The following PLA2G4A variants were observed in gnomAD, a reference collection of about 807,000 sequenced individuals.
The protein encoded by PLA2G4A is phospholipase A2 group IVA.
PLA2G4A carries 40 observed loss-of-function variants against 81.9 expected under a neutral mutation model. The ratio of observed to expected loss-of-function variants is 0.49; its 90% confidence interval spans 0.38 to 0.64. PLA2G4A has a LOEUF of 0.64. PLA2G4A is among the 30% of genes least tolerant of loss of function. The probability of loss-of-function intolerance (pLI) is 0.00; values close to 1 mark genes in which losing one functional copy is unlikely to be tolerated. For missense variants in PLA2G4A, 715 were observed against 905.1 expected (o/e 0.79, Z 2.69); for synonymous variants, 302 against 296.9 (o/e 1.02, Z -0.18).
chr1:186,864,053 C>T (rs1165047824), intron 2 of PLA2G4A, among the ~76,000 whole-genome samples: 1 of 152,148 alleles, frequency 6.6e-6, no homozygotes, highest in Middle Eastern at 3.4e-3. Flanking sequence ...GCATGAGCCA[C>T]CACTCCTGAC....
At chr1:186,932,630 T>G (rs1655791733) in intron 7 of PLA2G4A, 133 bp from the exon 8 acceptor site, 1 of 921,254 alleles carries the variant, frequency 1.1e-6, no homozygotes, top group African/African-American at 1.6e-5. Context: ...AATTAGGCAT[T>G]ACTAAAGTAT....
At chr1:186,936,667 T>C (rs180886088) in intron 8 of PLA2G4A, among the ~76,000 whole-genome samples, 25 of 152,026 alleles carry the variant, frequency 1.6e-4, no homozygotes, top group Non-Finnish European at 3.4e-4. Flanking sequence ...TCCTGGTAGT[T>C]AGCTACTGAT....
intron 5 of PLA2G4A, among the ~76,000 whole-genome samples, chr1:186,895,938 T>C (rs536969034): frequency 6.6e-6 from 1 of 152,036 alleles, no homozygotes; most frequent in South Asian, 2.1e-4. Context: ...AAGGGAATCA[T>C]TATGATTAAG....
At chr1:186,936,714 A>G (rs1253660842) in intron 8 of PLA2G4A, among the ~76,000 whole-genome samples, 1 of 151,978 alleles carries the variant, frequency 6.6e-6, no homozygotes. Context: ...GGAGACAAGC[A>G]TTGAACTGAA....
intron 3 of PLA2G4A, among the ~76,000 whole-genome samples, chr1:186,873,024 G>C (rs1653338700): frequency 6.6e-6 from 1 of 152,056 alleles, no homozygotes; most frequent in Non-Finnish European, 1.5e-5. Flanking sequence ...TTTTGTGTGT[G>C]TGTGGGGAGG....
At chr1:186,888,812 T>A (rs569221485) in intron 3 of PLA2G4A, among the ~76,000 whole-genome samples, 20 of 146,660 alleles carry the variant, frequency 1.4e-4, no homozygotes, top group African/African-American at 5.1e-4. Flanking sequence ...GGTTTTTGCT[T>A]GGCTTTGTTT....
intron 1 of PLA2G4A, among the ~76,000 whole-genome samples, chr1:186,830,958 C>CTTGCTTTCTT (rs1571315638): frequency 6.8e-5 from 2 of 29,406 alleles, no homozygotes; most frequent in African/African-American, 3.0e-4. Context: ...TGCTTGCTTG[C>CTTGCTTTCTT]TTTCTTTCTT....
chr1:186,975,500 T>C (rs1472819168), intron 15 of PLA2G4A, among the ~76,000 whole-genome samples: 1 of 152,232 alleles, frequency 6.6e-6, no homozygotes, highest in Non-Finnish European at 1.5e-5. Context: ...TTTCTTCTAA[T>C]GTAAACTACT....
In PLA2G4A at chr1:186,828,969, T is replaced by TAGAG. The variant is rs1651454294; in HGVS notation, c.-135_-134insGAGA. The TAGAG allele has an allele frequency of 2.0e-5, 3 of 152,164 alleles. No homozygotes were observed. Among genetic ancestry groups the TAGAG allele is most frequent in the Non-Finnish European group, 4.4e-5 (3 of 68,038 alleles). The allele number at this position is 152,164 out of a possible 1,614,324, so 9.4% of individuals were successfully genotyped here. A position where few individuals can be genotyped will look rare whatever the true frequency, so the allele number is the denominator to read the frequency against. ...CTCCTACTCAGGATAAGACTTTCTC[T>TAGAG]AAGTCCGGAGCTGAAAAAGGATCCT... On this transcript the variant is annotated 5_prime_UTR_variant, in exon 1 of 18. Coordinates refer to ENST00000367466, the MANE Select transcript of PLA2G4A (RefSeq NM_024420.3).
intron 10 of PLA2G4A, 52 bp from the exon 11 acceptor site, chr1:186,946,585 T>C (rs1656354360): frequency 2.5e-5 from 31 of 1,251,202 alleles, no homozygotes; most frequent in Non-Finnish European, 3.6e-5. Flanking sequence ...GTGCACACCA[T>C]GCCATAGCAT....
At chr1:186,864,645 GATT>G (rs75963523) in intron 2 of PLA2G4A, among the ~76,000 whole-genome samples, 2,681 of 147,130 alleles carry the variant, frequency 0.018, 49 homozygotes, top group South Asian at 0.097. Flanking sequence ...TTAAAAATCA[GATT>G]ATTATTATTA....
At chr1:186,971,530 A>G (rs1305719805) in intron 15 of PLA2G4A, among the ~76,000 whole-genome samples, 3 of 152,002 alleles carry the variant, frequency 2.0e-5, no homozygotes, top group African/African-American at 7.2e-5. Flanking sequence ...CTTAATATAA[A>G]GTAAATTGCA....
chr1:186,920,294 A>G (rs1358222046), intron 7 of PLA2G4A, among the ~76,000 whole-genome samples: 1 of 152,216 alleles, frequency 6.6e-6, no homozygotes, highest in Non-Finnish European at 1.5e-5. Flanking sequence ...GGCAAGGGAC[A>G]GTCAGAAATA....
At chr1:186,887,127 G>A (rs1290817541) in intron 3 of PLA2G4A, among the ~76,000 whole-genome samples, 1 of 152,050 alleles carries the variant, frequency 6.6e-6, no homozygotes, top group East Asian at 1.9e-4. Flanking sequence ...TGAACCATAG[G>A]TATTCAGAAT....
chr1:186,831,427 C>G (rs1345019921), intron 1 of PLA2G4A, among the ~76,000 whole-genome samples: 1 of 152,054 alleles, frequency 6.6e-6, no homozygotes, highest in Non-Finnish European at 1.5e-5. Context: ...GACTCAACCC[C>G]AATAATAATT....
chr1:186,839,256 T>C (rs1021591310), intron 1 of PLA2G4A, among the ~76,000 whole-genome samples: 4 of 152,174 alleles, frequency 2.6e-5, no homozygotes, highest in African/African-American at 9.7e-5. Context: ...TTTCAGTTTG[T>C]TTCTGGCTGT....
intron 3 of PLA2G4A, among the ~76,000 whole-genome samples, chr1:186,884,152 T>C (rs2102088096): frequency 6.6e-6 from 1 of 151,922 alleles, no homozygotes; most frequent in South Asian, 2.1e-4. Context: ...TCTAAGATAA[T>C]AGAGGAAGAA....
intron 7 of PLA2G4A, among the ~76,000 whole-genome samples, chr1:186,925,471 C>T (rs1655514701): frequency 6.6e-6 from 1 of 152,102 alleles, no homozygotes; most frequent in Non-Finnish European, 1.5e-5. Flanking sequence ...CCAGTTTATC[C>T]CAAATTTCTT....
chr1:186,837,212 A>G (rs748038007), intron 1 of PLA2G4A, among the ~76,000 whole-genome samples: 3 of 152,140 alleles, frequency 2.0e-5, no homozygotes, highest in Non-Finnish European at 1.5e-5. Context: ...GTGCAGGTTC[A>G]ATGGAGTGGT....
Sources: allele counts gnomAD v4.1 joint callset (sites outside exome capture counted in the v4.1 genomes callset), GRCh38; gene constraint gnomAD v4.1.1; transcripts MANE v1.5; gene names NCBI Gene and HGNC (gene_info 2026-07-23, HGNC 2026-07-21).